AEBP2: variants seen among roughly 807,000 people sequenced by gnomAD.
AEBP2 encodes zinc finger protein AEBP2.
A neutral mutation model predicts 50.8 loss-of-function variants in AEBP2; 10 were observed. The ratio of observed to expected loss-of-function variants is 0.20; its 90% confidence interval spans 0.12 to 0.33. The LOEUF (loss-of-function observed/expected upper bound fraction) is 0.33. AEBP2 is among the 10% of genes least tolerant of loss of function. The probability of loss-of-function intolerance (pLI) is 1.00; values close to 1 mark genes in which losing one functional copy is unlikely to be tolerated. For synonymous variants in AEBP2, 296 were observed against 261.3 expected (o/e 1.13, Z -1.28); for missense variants, 570 against 688.0 (o/e 0.83, Z 1.92).
chr12:19,438,249 G>A (rs1352016203), upstream of AEBP2, among the ~76,000 whole-genome samples: 1 of 152,168 alleles, frequency 6.6e-6, no homozygotes, highest in Admixed American at 6.5e-5. Context: ...AACCTAATCA[G>A]AGTTGTCAGC....
At chr12:19,421,334 G>C (rs750822230) in intron 1 of AEBP2, among the ~76,000 whole-genome samples, 2 of 111,084 alleles carry the variant, frequency 1.8e-5, no homozygotes, top group Non-Finnish European at 3.3e-5. Context: ...GACAGAGCGA[G>C]ACTCTGTCTC....
intron 1 of AEBP2, among the ~76,000 whole-genome samples, chr12:19,413,825 G>A (rs817937): frequency 0.16 from 23,897 of 151,802 alleles, 3,373 homozygotes; most frequent in African/African-American, 0.38. Context: ...GGCCATCTTG[G>A]TTTTGGTAGG....
chr12:19,452,955 T>TA (rs1278075635), intron 1 of AEBP2, among the ~76,000 whole-genome samples: 2 of 144,540 alleles, frequency 1.4e-5, no homozygotes, highest in Admixed American at 7.5e-5. Flanking sequence ...ATTATAGACT[T>TA]ACGTTCTTTT....
intron 1 of AEBP2, among the ~76,000 whole-genome samples, chr12:19,455,239 C>T (rs565516078): frequency 7.9e-5 from 12 of 152,122 alleles, no homozygotes; most frequent in East Asian, 7.7e-4. Context: ...GAAATCCTCC[C>T]GCTCCAGCCT....
chr12:19,520,386 C>T lies in AEBP2; in HGVS notation c.*2269C>T, dbSNP rs1021212600. 2 of 152,122 alleles carry T rather than the reference C, an allele frequency of 1.3e-5. No individual in the cohort carries two copies. The highest frequency in any genetic ancestry group is 4.8e-5 in the African/African-American group (2 of 41,420). The allele number at this position is 152,122 out of a possible 1,614,324, so 9.4% of individuals were successfully genotyped here. On this transcript the variant is annotated 3_prime_UTR_variant, in exon 8 of 8. Coordinates refer to ENST00000266508, the MANE Select transcript of AEBP2 (RefSeq NM_153207.5). ...GTGATCCTTGATTAACTTCTGAGTA[C>T]TCAATCAATCATAATCCTTTTGCTG...
intron 3 of AEBP2, among the ~76,000 whole-genome samples, chr12:19,485,948 C>CTTTTTTTT (rs60355570): frequency 2.2e-5 from 2 of 91,224 alleles, no homozygotes; most frequent in African/African-American, 8.1e-5. Flanking sequence ...TGAGCCTCTG[C>CTTTTTTTT]TTTTTTTTTT....
intron 3 of AEBP2, among the ~76,000 whole-genome samples, chr12:19,474,688 T>TTACTTGTTTTTCTATA (rs1003915261): frequency 2.0e-5 from 3 of 152,146 alleles, no homozygotes; most frequent in Non-Finnish European, 4.4e-5. Flanking sequence ...AATACACAGA[T>TTACTTGTTTTTCTATA]TACTTGTTTT....
chr12:19,497,837 A>G (rs1173576122), intron 4 of AEBP2, among the ~76,000 whole-genome samples: 1 of 152,242 alleles, frequency 6.6e-6, no homozygotes, highest in African/African-American at 2.4e-5. Flanking sequence ...GTCTTAACGT[A>G]TGTAATTTAT....
intron 1 of AEBP2, among the ~76,000 whole-genome samples, chr12:19,449,150 T>G (rs1289109859): frequency 6.6e-6 from 1 of 152,228 alleles, no homozygotes; most frequent in Admixed American, 6.5e-5. Context: ...TGAAATCATC[T>G]GATATTTTTC....
At chr12:19,498,769 A>G (rs1949022963) in intron 4 of AEBP2, among the ~76,000 whole-genome samples, 1 of 152,182 alleles carries the variant, frequency 6.6e-6, no homozygotes, top group Non-Finnish European at 1.5e-5. Context: ...AATTTGAAAA[A>G]TGTTCTTACC....
chr12:19,499,252 ATTTG>A (rs1003521936), intron 4 of AEBP2, among the ~76,000 whole-genome samples: 4 of 152,302 alleles, frequency 2.6e-5, no homozygotes, highest in South Asian at 2.1e-4. Context: ...GCGTCCAAAA[ATTTG>A]TTTGTAATTT....
chr12:19,460,067 G>T (rs1003055765), intron 1 of AEBP2, among the ~76,000 whole-genome samples: 1 of 152,106 alleles, frequency 6.6e-6, no homozygotes, highest in Non-Finnish European at 1.5e-5. Context: ...AATTTAGTTG[G>T]CCATAGTGGT....
chr12:19,434,064 C>T (rs1265146060), intron 1 of AEBP2, among the ~76,000 whole-genome samples: 1 of 151,830 alleles, frequency 6.6e-6, no homozygotes, highest in African/African-American at 2.4e-5. Context: ...CCAGGATGGT[C>T]TCGATCTCCT....
intron 5 of AEBP2, among the ~76,000 whole-genome samples, chr12:19,510,430 A>G (rs2120589224): frequency 6.6e-6 from 1 of 152,330 alleles, no homozygotes; most frequent in East Asian, 1.9e-4. Flanking sequence ...ATGGGCAGAC[A>G]CGGCATATGC....
chr12:19,444,262 A>G (rs1211345188), intron 1 of AEBP2, among the ~76,000 whole-genome samples: 1 of 152,244 alleles, frequency 6.6e-6, no homozygotes, highest in African/African-American at 2.4e-5. Context: ...CCAAAAAGTG[A>G]TCAAATGTCA....
intron 5 of AEBP2, among the ~76,000 whole-genome samples, chr12:19,503,076 C>A (rs945356812): frequency 2.0e-5 from 3 of 152,132 alleles, no homozygotes; most frequent in Non-Finnish European, 4.4e-5. Flanking sequence ...GCTCTTTGCG[C>A]TCCTTTTCAT....
chr12:19,514,701 A>G lies in AEBP2; in HGVS notation c.1398A>G (p.Glu466=). The G allele has an allele frequency of 1.2e-6, 2 of 1,610,474 alleles. No individual in the cohort carries two copies. Among genetic ancestry groups the G allele is most frequent in the South Asian group, 2.2e-5 (2 of 90,008 alleles). Residue 466 remains glutamate, a synonymous_variant, in exon 7 of 8, where the codon GAA becomes GAG. Coordinates refer to ENST00000266508, the MANE Select transcript of AEBP2 (RefSeq NM_153207.5). ...CTGATGTGTGGGTGAATGAAAGTGA[A>G]CGACATCAGTTAAAAACTAAAGTAG... ...ILPDVWVNES[E]RHQLKTKVVH... is the part of the protein sequence containing the mutation.
rs71067029 is a variant in AEBP2 at position 19,489,990 on chromosome 12, C to CTTTTTT, written c.988-3790_988-3785dup. On this transcript the variant is annotated intron_variant, in intron 3 of 7. Coordinates refer to ENST00000266508, the MANE Select transcript of AEBP2 (RefSeq NM_153207.5). ...CTGAATCATTGATAATTAAAATAAA[C>CTTTTTT]TTTTTTTTTTTTTTTTTTTTTTTTT... Among the ~76,000 whole-genome samples, 461 of 47,688 alleles carry CTTTTTT rather than the reference C, an allele frequency of 9.7e-3. 13 individuals carry two copies. Among genetic ancestry groups the CTTTTTT allele is most frequent in the Middle Eastern group, 0.05 (2 of 40 alleles). The allele number at this position is 47,688 out of a possible 152,430, so 31.3% of individuals were successfully genotyped here. A position where few individuals can be genotyped will look rare whatever the true frequency, so the allele number is the denominator to read the frequency against.
At chr12:19,456,321 A>G in intron 1 of AEBP2, 1 of 1,456,116 alleles carries the variant, frequency 6.9e-7, no homozygotes, top group Non-Finnish European at 9.5e-7. Flanking sequence ...CACTGCTTTG[A>G]TGACATCCAC....
Sources: allele counts gnomAD v4.1 joint callset (sites outside exome capture counted in the v4.1 genomes callset), GRCh38; gene constraint gnomAD v4.1.1; transcripts MANE v1.5; gene names NCBI Gene and HGNC (gene_info 2026-07-23, HGNC 2026-07-21).